The following NHSL2 variants were observed in gnomAD, a reference collection of about 807,000 sequenced individuals.
NHSL2 encodes NHS-like protein 2.
Under a neutral mutation model 53.4 loss-of-function variants are expected in NHSL2, and 27 were observed. The ratio of observed to expected loss-of-function variants is 0.51; its 90% CI spans 0.37 to 0.70. The LOEUF (loss-of-function observed/expected upper bound fraction) is 0.70. Among genes scored for constraint, NHSL2 ranks in the 30% least tolerant of loss-of-function variants. NHSL2 has a pLI of 0.00. For synonymous variants in NHSL2, 408 were observed against 404.1 expected, an observed-to-expected ratio of 1.01 and a Z score of -0.12; for missense variants, 892 against 980.1, an observed-to-expected ratio of 0.91 and a Z score of 1.20.
intron 1 of NHSL2, among the ~76,000 whole-genome samples, chrX:71,923,068 A>T (rs754073923): frequency 8.9e-6 from 1 of 111,945 alleles, no homozygotes; most frequent in African/African-American, 3.2e-5. Flanking sequence ...GTGTGGGGTC[A>T]TGAGGGAAGG....
chrX:71,921,363 C>T (rs1428924369), intron 1 of NHSL2, among the ~76,000 whole-genome samples: 4 of 103,287 alleles, frequency 3.9e-5, no homozygotes, highest in Non-Finnish European at 7.9e-5. Flanking sequence ...GAGGTTGCAG[C>T]GAGCCGAGAT....
intron 1 of NHSL2, among the ~76,000 whole-genome samples, chrX:71,930,815 T>C: frequency 8.9e-6 from 1 of 112,646 alleles, no homozygotes; most frequent in East Asian, 2.8e-4. Context: ...TTTCTATGGC[T>C]TGTTCCTATC....
intron 1 of NHSL2, among the ~76,000 whole-genome samples, chrX:71,917,610 T>C (rs945929604): frequency 8.2e-5 from 9 of 109,971 alleles, no homozygotes; most frequent in African/African-American, 3.0e-4. Flanking sequence ...GCTGTGGAGA[T>C]AAGGTCTAGG....
chrX:72,069,593 G>C, intron 1 of NHSL2: 1 of 525,707 alleles, frequency 1.9e-6, no homozygotes, highest in East Asian at 5.5e-5. Flanking sequence ...AGCACAGGCA[G>C]AGGAGGAGGA....
chrX:71,940,882 T>C (rs1278866069), intron 1 of NHSL2, among the ~76,000 whole-genome samples: 1 of 111,447 alleles, frequency 9.0e-6, no homozygotes, highest in Non-Finnish European at 1.9e-5. Flanking sequence ...CCCAGCTGCA[T>C]GGTTGGAGTA....
chrX:72,106,453 AG>A (rs1420283801), intron 1 of NHSL2, among the ~76,000 whole-genome samples: 3 of 112,327 alleles, frequency 2.7e-5, no homozygotes, highest in Non-Finnish European at 3.8e-5. Context: ...ATCATTAAAA[AG>A]TCAGGAAACA....
chrX:72,025,733 G>C (rs186447364), intron 1 of NHSL2, among the ~76,000 whole-genome samples: 8 of 111,833 alleles, frequency 7.2e-5, no homozygotes, highest in Non-Finnish European at 1.5e-4. Flanking sequence ...TCCAGACCTG[G>C]GGTGTGGAAT....
At chrX:71,948,841 A>G (rs1193771886) in intron 1 of NHSL2, among the ~76,000 whole-genome samples, 1 of 66,027 alleles carries the variant, frequency 1.5e-5, no homozygotes, top group African/African-American at 4.3e-5. Context: ...AAAAAAAAAA[A>G]TGTAGTTTTG....
intron 1 of NHSL2, among the ~76,000 whole-genome samples, chrX:72,071,772 T>G (rs1602346188): frequency 8.9e-6 from 1 of 112,126 alleles, no homozygotes; most frequent in African/African-American, 3.2e-5. Context: ...TAACCCAAAC[T>G]AGCATCCTGG....
chrX:72,010,482 C>T (rs1484586714), intron 1 of NHSL2, among the ~76,000 whole-genome samples: 2 of 112,404 alleles, frequency 1.8e-5, no homozygotes, highest in Non-Finnish European at 3.8e-5. Context: ...TCTCTCCGGT[C>T]CCACTCTGCT....
chrX:72,128,383 CTG>C lies in NHSL2; in HGVS notation c.281-3693_281-3692del, dbSNP rs1183204495. 2.4e-4 allele frequency: 27 copies of C among 112,946 alleles called. No homozygotes were observed. The Admixed American group carries it at 2.4e-3, about 10-fold the overall frequency. The allele number at this position is 112,946 out of a possible 1,213,427, so 9.3% of individuals were successfully genotyped here. On this transcript the variant is annotated intron_variant, in intron 1 of 7. Coordinates refer to ENST00000633930, the MANE Select transcript of NHSL2 (RefSeq NM_001013627.3). The stretch of plus-strand genomic sequence containing the variant: ...GCTGCACTTGCTCTGCTGCCAGTCA[CTG>C]TGCAGAAAGTCCAGTGTCCAGGGGC...
intron 1 of NHSL2, among the ~76,000 whole-genome samples, chrX:72,088,104 G>T (rs1263454770): frequency 9.5e-6 from 1 of 105,114 alleles, no homozygotes; most frequent in Non-Finnish European, 2.0e-5. Flanking sequence ...GGTGGCGCAT[G>T]CTTGTAATCC....
rs139984303 is a variant in NHSL2, at chrX:72,000,568, T to C, written c.280+89201T>C. ...ACTAAAATCAAGATGCTAGCAGGGC[T>C]GCATTCCTTCTTAGGACTCTACGGG... On this transcript the variant is annotated intron_variant, in intron 1 of 7. Transcript: ENST00000633930. Among the ~76,000 whole-genome samples, 19 of 112,332 alleles carry C rather than the reference T, an allele frequency of 1.7e-4. No homozygotes were observed. The East Asian group carries it at 5.0e-3, about 30-fold the overall frequency.
At chrX:71,993,061 G>A (rs779790934) in intron 1 of NHSL2, among the ~76,000 whole-genome samples, 1 of 112,227 alleles carries the variant, frequency 8.9e-6, no homozygotes, top group Admixed American at 9.4e-5. Context: ...GGGAGGGGCG[G>A]GAACTTTTCT....
chrX:71,964,786 A>T (rs186942952), intron 1 of NHSL2, among the ~76,000 whole-genome samples: 11 of 112,442 alleles, frequency 9.8e-5, no homozygotes, highest in African/African-American at 3.5e-4. Context: ...TGTTTTTGAG[A>T]ACATCTCCAA....
At position 71,915,271 on chromosome X, in the gene NHSL2, C is replaced by T. The variant is rs764031142; in HGVS notation, c.280+3904C>T. Among the ~76,000 whole-genome samples, 3 of 111,810 alleles carry T rather than the reference C, an allele frequency of 2.7e-5. No homozygotes were observed. The East Asian group carries it at 8.4e-4, about 31-fold the overall frequency. On this transcript the variant is annotated intron_variant, in intron 1 of 7. Coordinates refer to ENST00000633930, the MANE Select transcript of NHSL2 (RefSeq NM_001013627.3). ...TTCAAGTTATGGCTCTTGGGCTCAACCTTGACCTTGACGACATTGATTAGG... is the reference window on the plus strand; with the variant it reads ...TTCAAGTTATGGCTCTTGGGCTCAATCTTGACCTTGACGACATTGATTAGG...
chrX:72,139,966 C>T lies in NHSL2; in HGVS notation c.2418C>T (p.Gly806=), dbSNP rs751437100. 3 of 1,208,990 alleles carry T rather than the reference C, an allele frequency of 2.5e-6. No individual in the cohort carries two copies. Among genetic ancestry groups the T allele is most frequent in the South Asian group, 1.8e-5 (1 of 56,539 alleles). ...GGCACCACTCAGAGACAAATTTTGG[C>T]GTCAAGCTGGCCCAGAAAACTAATC... ...VSRHHSETNF[G]VKLAQKTNPN... The change falls in exon 6 of 8, where the codon GGC becomes GGT. Residue 806 remains glycine (G), a synonymous_variant. Coordinates refer to ENST00000633930, the MANE Select transcript of NHSL2 (RefSeq NM_001013627.3).
At chrX:71,949,543 G>T (rs763356316) in intron 1 of NHSL2, among the ~76,000 whole-genome samples, 12 of 111,508 alleles carry the variant, frequency 1.1e-4, no homozygotes, top group Non-Finnish European at 2.3e-4. Context: ...TCCCAGACCC[G>T]CCTGGCTCAC....
intron 1 of NHSL2, among the ~76,000 whole-genome samples, chrX:71,940,588 C>A (rs2041761140): frequency 9.0e-6 from 1 of 110,997 alleles, no homozygotes; most frequent in Non-Finnish European, 1.9e-5. Context: ...TCGCAGAGTG[C>A]AGGCCAGGTT....
Sources: gnomAD v4.1 joint callset for allele counts (sites outside exome capture counted in the v4.1 genomes callset) on GRCh38, gnomAD v4.1.1 for gene constraint, MANE v1.5 for transcripts, NCBI Gene and HGNC (gene_info 2026-07-23, HGNC 2026-07-21) for gene names.